The following ZNF804A variants were observed in gnomAD, a reference collection of about 807,000 sequenced individuals.
ZNF804A encodes zinc finger protein 804A.
A neutral mutation model predicts 16.5 loss-of-function variants in ZNF804A; 2 were observed. That is an observed-to-expected ratio of 0.12 (90% CI 0.05 to 0.38). ZNF804A has a LOEUF of 0.38. ZNF804A is among the 10% of genes least tolerant of loss of function. The probability of loss-of-function intolerance (pLI) is 0.99; values close to 1 mark genes in which losing one functional copy is unlikely to be tolerated. For missense variants in ZNF804A, 1,473 were observed against 1,390.7 expected, an observed-to-expected ratio of 1.06 and a Z score of -0.94; for synonymous variants, 534 against 489.6, an observed-to-expected ratio of 1.09 and a Z score of -1.20.
intron 1 of ZNF804A, among the ~76,000 whole-genome samples, chr2:184,827,493 T>A (rs1695184713): frequency 6.8e-6 from 1 of 146,586 alleles, no homozygotes. Flanking sequence ...TATATATATA[T>A]AAAAATATAT....
At chr2:184,928,636 A>G (rs1246485587) in intron 2 of ZNF804A, among the ~76,000 whole-genome samples, 1 of 152,094 alleles carries the variant, frequency 6.6e-6, no homozygotes, top group Non-Finnish European at 1.5e-5. Context: ...GAAATAAATA[A>G]AGCTGAACTT....
chr2:184,863,369 A>G (rs1695828167), intron 1 of ZNF804A, among the ~76,000 whole-genome samples: 1 of 152,134 alleles, frequency 6.6e-6, no homozygotes, highest in Non-Finnish European at 1.5e-5. Flanking sequence ...GACCCTAAAT[A>G]AGCACTAGCT....
intron 1 of ZNF804A, among the ~76,000 whole-genome samples, chr2:184,827,829 T>A (rs932565884): frequency 1.3e-5 from 2 of 151,730 alleles, no homozygotes; most frequent in African/African-American, 2.4e-5. Context: ...AATGGGTGTA[T>A]AATACCCATT....
chr2:184,698,313 A>G (rs1366713225), intron 1 of ZNF804A, among the ~76,000 whole-genome samples: 1 of 152,074 alleles, frequency 6.6e-6, no homozygotes, highest in African/African-American at 2.4e-5. Context: ...CTCCAAATTC[A>G]TTTTTGTATA....
Position 184,682,143 on chromosome 2 carries a change from A to T in ZNF804A, c.111+83073A>T, listed in dbSNP as rs1024145591. Among the ~76,000 whole-genome samples the T allele has an allele frequency of 2.0e-5, 3 of 152,246 alleles. 1 individual carries two copies. The highest frequency in any genetic ancestry group is 7.2e-5 in the African/African-American group (3 of 41,568). ...TCATGGCATGAACAGCCTGGGTGCC[A>T]TGGGTGGAGTGTTGATGGCAGGAGG... On this transcript the variant is annotated intron_variant, in intron 1 of 3. Coordinates refer to ENST00000302277, the MANE Select transcript of ZNF804A (RefSeq NM_194250.2).
At chr2:184,881,747 A>G (rs556474178) in intron 2 of ZNF804A, among the ~76,000 whole-genome samples, 150 of 152,210 alleles carry the variant, frequency 9.9e-4, no homozygotes, top group African/African-American at 3.6e-3. Flanking sequence ...GAATTTCATA[A>G]TGACCAAATA....
At chr2:184,686,369 A>C (rs1292917728) in intron 1 of ZNF804A, among the ~76,000 whole-genome samples, 2 of 152,206 alleles carry the variant, frequency 1.3e-5, no homozygotes, top group East Asian at 3.9e-4. Flanking sequence ...CGCTCCAGAC[A>C]GACCGCTGTT....
intron 1 of ZNF804A, among the ~76,000 whole-genome samples, chr2:184,666,926 T>A (rs1203005324): frequency 6.6e-6 from 1 of 151,992 alleles, no homozygotes; most frequent in Admixed American, 6.6e-5. Flanking sequence ...CAAAAGATAA[T>A]TTCATGGAAC....
intron 1 of ZNF804A, among the ~76,000 whole-genome samples, chr2:184,653,002 C>A (rs150987907): frequency 6.6e-6 from 1 of 152,036 alleles, no homozygotes; most frequent in East Asian, 1.9e-4. Context: ...AAACCTCTTT[C>A]CTTTATAAAC....
chr2:184,720,756 A>G (rs527582698), intron 1 of ZNF804A, among the ~76,000 whole-genome samples: 2 of 152,278 alleles, frequency 1.3e-5, no homozygotes, highest in South Asian at 4.1e-4. Context: ...AGAACAAAAA[A>G]ATTCTAAAAT....
chr2:184,678,507 A>G (rs1170961598), intron 1 of ZNF804A, among the ~76,000 whole-genome samples: 1 of 152,164 alleles, frequency 6.6e-6, no homozygotes, highest in African/African-American at 2.4e-5. Context: ...TGTACTTGAA[A>G]GACATAAGAG....
intron 1 of ZNF804A, among the ~76,000 whole-genome samples, chr2:184,600,674 T>C (rs1691030566): frequency 6.6e-6 from 1 of 152,118 alleles, no homozygotes; most frequent in African/African-American, 2.4e-5. Flanking sequence ...ATGGTGTAGG[T>C]GATAAAATGC....
intron 1 of ZNF804A, among the ~76,000 whole-genome samples, chr2:184,848,533 G>A (rs1695556274): frequency 1.3e-5 from 2 of 152,172 alleles, no homozygotes; most frequent in Admixed American, 6.6e-5. Flanking sequence ...AGAGAAAATA[G>A]CATTTTTAAC....
At chr2:184,671,675 T>A (rs1406317615) in intron 1 of ZNF804A, among the ~76,000 whole-genome samples, 1 of 152,180 alleles carries the variant, frequency 6.6e-6, no homozygotes, top group Non-Finnish European at 1.5e-5. Flanking sequence ...AAAGTTGAAT[T>A]ATTTTGATAT....
At chr2:184,703,789 G>T (rs2105732702) in intron 1 of ZNF804A, among the ~76,000 whole-genome samples, 1 of 151,534 alleles carries the variant, frequency 6.6e-6, no homozygotes, top group Non-Finnish European at 1.5e-5. Context: ...TTGAATGAAT[G>T]CTGCAGTATA....
At chr2:184,844,645 C>G (rs957838583) in intron 1 of ZNF804A, among the ~76,000 whole-genome samples, 1 of 149,616 alleles carries the variant, frequency 6.7e-6, no homozygotes, top group African/African-American at 2.5e-5. Flanking sequence ...AGACTTTTCT[C>G]TTGGGTTTTC....
At chr2:184,599,322 T>A (rs1200271587) in intron 1 of ZNF804A, among the ~76,000 whole-genome samples, 1 of 152,138 alleles carries the variant, frequency 6.6e-6, no homozygotes, top group Non-Finnish European at 1.5e-5. Flanking sequence ...ATTACCACAG[T>A]CTCTCCTTAT....
rs1305393694 is a variant in ZNF804A at position 184,816,909 on chromosome 2, G to A, written c.112-49460G>A. On this transcript the variant is annotated intron_variant, in intron 1 of 3. Transcript: ENST00000302277. ...TGGTGAGAAGGGATGTTGAGACCAG[G>A]AAGTGTAAAATTTTAAATGAAGTTT... Among the ~76,000 whole-genome samples, 7 of 151,984 alleles carry A rather than the reference G, an allele frequency of 4.6e-5. No homozygotes were observed. In the East Asian group the frequency reaches 1.3e-3, roughly 29 times the overall value.
chr2:184,658,169 TACACATAAC>T (rs892700506), intron 1 of ZNF804A, among the ~76,000 whole-genome samples: 62 of 152,276 alleles, frequency 4.1e-4, no homozygotes, highest in Non-Finnish European at 6.9e-4. Context: ...ATAATGAAAG[TACACATAAC>T]ACTGAGAAGT....
Sources: allele counts gnomAD v4.1 joint callset (sites outside exome capture counted in the v4.1 genomes callset), GRCh38; gene constraint gnomAD v4.1.1; transcripts MANE v1.5; gene names NCBI Gene and HGNC (gene_info 2026-07-23, HGNC 2026-07-21).